The following LOC400499 variants were observed in gnomAD, a reference collection of about 807,000 sequenced individuals.
chr16:11,468,184 T>C, the LOC400499 span, among the ~76,000 whole-genome samples: 5 of 152,178 alleles, frequency 3.3e-5, no homozygotes, highest in Non-Finnish European at 5.9e-5. Flanking sequence ...CAAATTCCTA[T>C]AGTTGAAGAC....
chr16:11,459,500 A>C, the LOC400499 span, among the ~76,000 whole-genome samples: 1 of 152,042 alleles, frequency 6.6e-6, no homozygotes, highest in South Asian at 2.1e-4. Context: ...CCGGCCCCTA[A>C]ACAAATTTTT....
At chr16:11,458,712 T>C in the LOC400499 span, among the ~76,000 whole-genome samples, 1 of 152,030 alleles carries the variant, frequency 6.6e-6, no homozygotes, top group African/African-American at 2.4e-5. Context: ...TGTAAATGCA[T>C]GTAATGCCAC....
chr16:11,390,580 G>A, the LOC400499 span: 67,942 of 810,372 alleles, frequency 0.084, 3,131 homozygotes, highest in African/African-American at 0.14. Context: ...AAGATGTGGG[G>A]AGCTGGGGGA....
the LOC400499 span, among the ~76,000 whole-genome samples, chr16:11,507,491 A>G: frequency 6.6e-6 from 1 of 152,200 alleles, no homozygotes; most frequent in Admixed American, 6.5e-5. Context: ...TGTGGCTTTA[A>G]GCACATTTCC....
At chr16:11,434,824 AC>A in the LOC400499 span, among the ~76,000 whole-genome samples, 1 of 151,944 alleles carries the variant, frequency 6.6e-6, no homozygotes, top group Admixed American at 6.6e-5. Flanking sequence ...TGGGACTTGA[AC>A]CCAAGTGGTC....
chr16:11,491,971 G>A, the LOC400499 span: 4 of 394,944 alleles, frequency 1.0e-5, no homozygotes, highest in East Asian at 1.1e-4. Context: ...CCTACTGCGG[G>A]AGGCTTCCCC....
chr16:11,524,361 G>GCCCCCCCCCCCCCCCC, the LOC400499 span, among the ~76,000 whole-genome samples: 5 of 93,738 alleles, frequency 5.3e-5, no homozygotes, highest in African/African-American at 1.9e-4. Flanking sequence ...CATCCACCCA[G>GCCCCCCCCCCCCCCCC]CCACCCACCC....
chr16:11,382,681 C>T, the LOC400499 span, among the ~76,000 whole-genome samples: 4 of 152,124 alleles, frequency 2.6e-5, no homozygotes, highest in African/African-American at 9.7e-5. Context: ...GTGGTGGCTC[C>T]CGCCTGTCAT....
the LOC400499 span, chr16:11,446,694 G>C: frequency 2.0e-6 from 3 of 1,532,398 alleles, no homozygotes; most frequent in Admixed American, 3.9e-5. Context: ...GAGGCAGCTG[G>C]GGCCTTCCTC....
chr16:11,435,798 G>A, the LOC400499 span: 1 of 399,428 alleles, frequency 2.5e-6, no homozygotes, highest in Non-Finnish European at 4.4e-6. Flanking sequence ...ACCTCCAGCA[G>A]AACCAGCTCC....
chr16:11,504,474 G>T, the LOC400499 span, among the ~76,000 whole-genome samples: 4 of 152,058 alleles, frequency 2.6e-5, no homozygotes, highest in Non-Finnish European at 5.9e-5. Flanking sequence ...GAGATCACTT[G>T]AACCAGGAGG....
chr16:11,403,952 C>G, the LOC400499 span, among the ~76,000 whole-genome samples: 2 of 152,226 alleles, frequency 1.3e-5, no homozygotes, highest in Non-Finnish European at 2.9e-5. Flanking sequence ...CCTGGGTCCC[C>G]CAGCCCTCCT....
the LOC400499 span, among the ~76,000 whole-genome samples, chr16:11,463,262 GC>G: frequency 1.3e-4 from 7 of 55,426 alleles, no homozygotes; most frequent in Non-Finnish European, 2.9e-4. Flanking sequence ...CCACCCCCAC[GC>G]CCCCCTGATG....
chr16:11,441,530 C>A, the LOC400499 span, among the ~76,000 whole-genome samples: 6 of 152,176 alleles, frequency 3.9e-5, no homozygotes, highest in Non-Finnish European at 8.8e-5. Flanking sequence ...ACTCATTGCA[C>A]GATGACATCC....
the LOC400499 span, chr16:11,399,086 C>T: frequency 9.1e-6 from 4 of 437,746 alleles, no homozygotes; most frequent in Non-Finnish European, 1.2e-5. Context: ...CCAAGCTCTG[C>T]AGAACAGTGC....
At chr16:11,403,800 T>A in the LOC400499 span, among the ~76,000 whole-genome samples, 1 of 152,096 alleles carries the variant, frequency 6.6e-6, no homozygotes, top group Non-Finnish European at 1.5e-5. Flanking sequence ...GCTGCTGTTG[T>A]TGGCGCTGTG....
the LOC400499 span, among the ~76,000 whole-genome samples, chr16:11,497,102 G>C: frequency 3.9e-5 from 6 of 152,158 alleles, no homozygotes; most frequent in African/African-American, 1.2e-4. Flanking sequence ...CTGTGCCTTG[G>C]TGTGAGCCTG....
At chr16:11,492,532 A>G in the LOC400499 span, among the ~76,000 whole-genome samples, 1 of 151,832 alleles carries the variant, frequency 6.6e-6, no homozygotes, top group Non-Finnish European at 1.5e-5. Context: ...GCCTGTAATC[A>G]CAGCACTTTT....
the LOC400499 span, among the ~76,000 whole-genome samples, chr16:11,445,944 C>T: frequency 6.6e-6 from 1 of 151,430 alleles, no homozygotes; most frequent in Non-Finnish European, 1.5e-5. Context: ...CCTGCCTCAG[C>T]CTCCTGAGTA....
Sources: gnomAD v4.1 joint callset for allele counts (sites outside exome capture counted in the v4.1 genomes callset) on GRCh38, gnomAD v4.1.1 for gene constraint, MANE v1.5 for transcripts.